Variants in H4C16 observed in about 807,000 individuals in gnomAD.
The protein encoded by H4C16 is histone H4.
the H4C16 span, chr12:14,770,897 A>G: frequency 1.9e-6 from 3 of 1,614,192 alleles, no homozygotes; most frequent in Admixed American, 1.7e-5. Flanking sequence ...CACGTTCTCC[A>G]GGAAGACTTT....
the H4C16 span, chr12:14,770,842 G>A: frequency 1.9e-6 from 3 of 1,614,160 alleles, no homozygotes; most frequent in Non-Finnish European, 2.5e-6. Flanking sequence ...TGGCCGTGAC[G>A]GTCTTGCGCT....
the H4C16 span, chr12:14,771,010 G>C: frequency 6.2e-7 from 1 of 1,614,154 alleles, no homozygotes; most frequent in Non-Finnish European, 8.5e-7. Flanking sequence ...CTTGGATATT[G>C]TCCCGCAGCA....
At chr12:14,770,855 G>A in the H4C16 span, 1 of 1,614,202 alleles carries the variant, frequency 6.2e-7, no homozygotes, top group Non-Finnish European at 8.5e-7. Context: ...CTTGCGCTTG[G>A]CGTGCTCCGT....
chr12:14,770,870 G>C, the H4C16 span: 1 of 1,614,080 alleles, frequency 6.2e-7, no homozygotes, highest in Non-Finnish European at 8.5e-7. Flanking sequence ...CTCCGTGTAA[G>C]TCACCGCGTC....
At chr12:14,770,910 G>A in the H4C16 span, 1 of 1,614,208 alleles carries the variant, frequency 6.2e-7, no homozygotes, top group Non-Finnish European at 8.5e-7. Context: ...AAGACTTTGA[G>A]GACTCCCCGG....
At chr12:14,770,785 A>C in the H4C16 span, 8 of 1,611,730 alleles carry the variant, frequency 5.0e-6, no homozygotes, top group Admixed American at 1.7e-5. Context: ...AACCGCCGAA[A>C]CCATAAAGGG....
At chr12:14,771,123 G>T in the H4C16 span, 3 of 1,545,236 alleles carry the variant, frequency 1.9e-6, no homozygotes, top group Non-Finnish European at 1.7e-6. Context: ...AAATCGGGCT[G>T]CCCACTGTGA....
the H4C16 span, chr12:14,770,938 A>G: frequency 1.2e-6 from 2 of 1,614,134 alleles, no homozygotes; most frequent in South Asian, 2.2e-5. Flanking sequence ...CGTAGATGAG[A>G]CCAGAAATGC....
chr12:14,771,051 CCA>C, the H4C16 span: 2 of 1,608,872 alleles, frequency 1.2e-6, no homozygotes, highest in Admixed American at 3.3e-5. Flanking sequence ...CCTCCCTTAC[CCA>C]GCCCCTTGCC....
chr12:14,771,076 C>A, the H4C16 span: 2 of 1,590,428 alleles, frequency 1.3e-6, no homozygotes, highest in South Asian at 1.1e-5. Flanking sequence ...CTTTACCTCG[C>A]CCAGACATTC....
the H4C16 span, chr12:14,770,981 AT>A: frequency 6.2e-7 from 1 of 1,614,208 alleles, no homozygotes; most frequent in East Asian, 2.2e-5. Flanking sequence ...GAGACGGCGA[AT>A]CGCCGGCTTT....
At chr12:14,771,022 C>T in the H4C16 span, 5 of 1,613,592 alleles carry the variant, frequency 3.1e-6, no homozygotes, top group East Asian at 2.2e-5. Flanking sequence ...CCCGCAGCAC[C>T]TTCCGGTGGC....
At chr12:14,770,737 G>A in the H4C16 span, 55 of 1,550,752 alleles carry the variant, frequency 3.5e-5, no homozygotes, top group Non-Finnish European at 4.3e-5. Context: ...CCTGAAAAGG[G>A]CCTTTTGGAG....
chr12:14,771,071 C>A, the H4C16 span: 1 of 1,600,220 alleles, frequency 6.2e-7, no homozygotes, highest in Non-Finnish European at 8.5e-7. Context: ...GCCACCTTTA[C>A]CTCGCCCAGA....
chr12:14,770,831 A>G, the H4C16 span: 1 of 1,614,178 alleles, frequency 6.2e-7, no homozygotes, highest in Non-Finnish European at 8.5e-7. Flanking sequence ...CACCACATCC[A>G]TGGCCGTGAC....
the H4C16 span, chr12:14,770,794 G>C: frequency 6.2e-7 from 1 of 1,613,440 alleles, no homozygotes; most frequent in Non-Finnish European, 8.5e-7. Flanking sequence ...AACCATAAAG[G>C]GTGCGACCCT....
chr12:14,771,017 A>T, the H4C16 span: 1 of 1,614,010 alleles, frequency 6.2e-7, no homozygotes, highest in Non-Finnish European at 8.5e-7. Flanking sequence ...ATTGTCCCGC[A>T]GCACCTTCCG....
At chr12:14,770,781 C>G in the H4C16 span, 1 of 1,610,662 alleles carries the variant, frequency 6.2e-7, no homozygotes, top group Admixed American at 1.7e-5. Context: ...GCTCAACCGC[C>G]GAAACCATAA....
At chr12:14,770,936 A>G in the H4C16 span, 1 of 1,614,208 alleles carries the variant, frequency 6.2e-7, no homozygotes, top group Non-Finnish European at 8.5e-7. Flanking sequence ...CTCGTAGATG[A>G]GACCAGAAAT....
Sources: gnomAD v4.1 joint callset for allele counts on GRCh38, gnomAD v4.1.1 for gene constraint, MANE v1.5 for transcripts, NCBI Gene and HGNC (gene_info 2026-07-23, HGNC 2026-07-21) for gene names.